Variants in TOM1 observed in about 807,000 individuals in gnomAD.
The protein encoded by TOM1 is target of Myb protein 1.
In TOM1, 38 loss-of-function variants were observed where a neutral mutation model predicts 61.3. The ratio of observed to expected loss-of-function variants is 0.62; its 90% CI spans 0.48 to 0.81. The LOEUF is 0.81. TOM1 is among the 40% of genes least tolerant of loss of function. The pLI is 0.00. For synonymous variants in TOM1, 270 were observed against 268.8 expected (o/e 1.00, Z -0.04); for missense variants, 591 against 659.6 (o/e 0.90, Z 1.14).
At chr22:35,299,802 G>A, upstream of TOM1, 1 of 1,080,372 alleles carries the variant, frequency 9.3e-7, no homozygotes, top group Non-Finnish European at 1.3e-6. Flanking sequence ...TTGTGGTCGA[G>A]CTTCGCGGTG....
At chr22:35,322,959 G>A (rs754908920) in intron 3 of TOM1, 69 bp from the exon 4 acceptor site, 400 of 1,575,074 alleles carry the variant, frequency 2.5e-4, no homozygotes, top group Non-Finnish European at 3.2e-4. Context: ...GAGGAGCCAC[G>A]AGGGTGGGGG....
chr22:35,308,490 G>T (rs537709549), intron 1 of TOM1, among the ~76,000 whole-genome samples: 1 of 151,898 alleles, frequency 6.6e-6, no homozygotes, highest in African/African-American at 2.4e-5. Flanking sequence ...CACCATGTTG[G>T]CCAGGCTGGT....
At chr22:35,302,923 T>G (rs1489745949) in intron 1 of TOM1, among the ~76,000 whole-genome samples, 2 of 152,176 alleles carry the variant, frequency 1.3e-5, no homozygotes, top group Non-Finnish European at 2.9e-5. Context: ...GATGACACAG[T>G]ATAGCTGCTT....
chr22:35,329,478 G>A (rs1399764942), intron 7 of TOM1, among the ~76,000 whole-genome samples: 1 of 152,236 alleles, frequency 6.6e-6, no homozygotes, highest in African/African-American at 2.4e-5. Flanking sequence ...GGGGAAGCCA[G>A]GGTCAAGGGT....
chr22:35,305,551 T>C (rs960328438), intron 1 of TOM1, among the ~76,000 whole-genome samples: 1 of 151,966 alleles, frequency 6.6e-6, no homozygotes, highest in Non-Finnish European at 1.5e-5. Flanking sequence ...TCCCAGCAAC[T>C]TGGGAGGCTG....
intron 1 of TOM1, among the ~76,000 whole-genome samples, chr22:35,312,868 T>C (rs1042056987): frequency 9.2e-5 from 14 of 152,262 alleles, no homozygotes; most frequent in Admixed American, 5.2e-4. Context: ...TGATGGACAA[T>C]GTTTAAACAG....
At chr22:35,339,942 G>T (rs902283619) in intron 12 of TOM1, among the ~76,000 whole-genome samples, 1 of 151,780 alleles carries the variant, frequency 6.6e-6, no homozygotes, top group Non-Finnish European at 1.5e-5. Context: ...GCAGCGGGGA[G>T]AAATGCGAGG....
intron 6 of TOM1, 133 bp downstream of exon 6, chr22:35,324,047 G>C: frequency 8.8e-7 from 1 of 1,132,654 alleles, no homozygotes; most frequent in Non-Finnish European, 1.2e-6. Context: ...GGTATGTGTG[G>C]TTCTTCCTGT....
At chr22:35,332,315 G>C (rs1051558835) in intron 8 of TOM1, among the ~76,000 whole-genome samples, 6 of 152,134 alleles carry the variant, frequency 3.9e-5, no homozygotes, top group African/African-American at 1.4e-4. Flanking sequence ...CTTAATATCT[G>C]ACTGTGCTTT....
Position 35,347,356 on chromosome 22 carries a change from CTGTG to C in TOM1, c.*148_*151del. 2 of 839,098 alleles carry C rather than the reference CTGTG, an allele frequency of 2.4e-6. No individual in the cohort carries two copies. Among genetic ancestry groups the C allele is most frequent in the African/African-American group, 1.7e-5 (1 of 58,050 alleles). The allele number at this position is 839,098 out of a possible 1,614,324, so 52.0% of individuals were successfully genotyped here. On this transcript the variant is annotated 3_prime_UTR_variant, in exon 15 of 15. Transcript: ENST00000449058. ...CTCTTTGAAGACGGAGCTGCCCCAG[CTGTG>C]GCTGGGGGTGTGGAGGCAGTGGGAT...
chr22:35,306,124 GA>G (rs1423514110), intron 1 of TOM1, among the ~76,000 whole-genome samples: 1 of 149,184 alleles, frequency 6.7e-6, no homozygotes, highest in Non-Finnish European at 1.5e-5. Context: ...CACATATCAT[GA>G]AATATTATTC....
intron 2 of TOM1, among the ~76,000 whole-genome samples, chr22:35,320,413 G>C (rs1352220561): frequency 6.6e-6 from 1 of 152,126 alleles, no homozygotes; most frequent in Non-Finnish European, 1.5e-5. Context: ...AGGGAGAGCA[G>C]GCTGGCACCC....
At chr22:35,343,343 C>CCA (rs144221305) in intron 12 of TOM1, among the ~76,000 whole-genome samples, 361 of 15,968 alleles carry the variant, frequency 0.023, 1 homozygote, top group South Asian at 0.038. Flanking sequence ...CACACACACA[C>CCA]CACACACATC....
Position 35,347,290 on chromosome 22 carries a change from T to A in TOM1, c.*81T>A. The A allele has an allele frequency of 6.9e-7, 1 of 1,445,026 alleles. No individual in the cohort carries two copies. The highest frequency in any genetic ancestry group is 2.4e-5 in the Admixed American group (1 of 41,914). 89.5% of individuals were successfully genotyped at this position (1,445,026 alleles called of 1,614,324 possible). A position where few individuals can be genotyped will look rare whatever the true frequency, so the allele number is the denominator to read the frequency against. On this transcript the variant is annotated 3_prime_UTR_variant, in exon 15 of 15. Coordinates refer to ENST00000449058, the MANE Select transcript of TOM1 (RefSeq NM_005488.3). ...TGGGACCTCCCTCCCTCCTCTGGTG[T>A]TAAGGCTGCTTTGGGGGTGGCTTGT...
intron 12 of TOM1, among the ~76,000 whole-genome samples, chr22:35,341,582 C>T (rs753210443): frequency 3.9e-5 from 6 of 152,248 alleles, no homozygotes; most frequent in East Asian, 1.9e-4. Context: ...CCTGGCCTCT[C>T]GTGGTCAGAG....
chr22:35,306,763 G>A (rs183799066), intron 1 of TOM1, among the ~76,000 whole-genome samples: 97 of 152,252 alleles, frequency 6.4e-4, no homozygotes, highest in Middle Eastern at 3.4e-3. Flanking sequence ...GTCTAAGTTA[G>A]TAGCCAAGCT....
rs374904693 is a variant in TOM1 at position 35,317,850 on chromosome 22, A to T, written c.53-27A>T. On this transcript the variant is annotated intron_variant, in intron 1 of 14. Transcript: ENST00000449058. ...TTTACCCATTCAGGACCCCCTCATGACTTTATGACTCCTGGTTTCTTCTCA... is the reference window on the plus strand; with the variant it reads ...TTTACCCATTCAGGACCCCCTCATGTCTTTATGACTCCTGGTTTCTTCTCA... 5.6e-6 allele frequency: 9 copies of T among 1,597,206 alleles called. No individual in the cohort carries two copies. In the African/African-American group the frequency reaches 1.1e-4, roughly 19 times the overall value.
At chr22:35,343,301 C>CCAT (rs1930102386) in intron 12 of TOM1, among the ~76,000 whole-genome samples, 3 of 144,148 alleles carry the variant, frequency 2.1e-5, no homozygotes, top group African/African-American at 5.2e-5. Context: ...CCCTACACAC[C>CCAT]ACACCTACAC....
intron 8 of TOM1, among the ~76,000 whole-genome samples, chr22:35,331,087 G>A (rs1216785393): frequency 7.0e-6 from 1 of 143,300 alleles, no homozygotes; most frequent in Non-Finnish European, 1.5e-5. Flanking sequence ...ACAAACACCT[G>A]TCCACCTTTT....
Sources: allele counts gnomAD v4.1 joint callset (sites outside exome capture counted in the v4.1 genomes callset), GRCh38; gene constraint gnomAD v4.1.1; transcripts MANE v1.5; gene names NCBI Gene and HGNC (gene_info 2026-07-23, HGNC 2026-07-21).